AP4E1: variants seen among roughly 807,000 people sequenced by gnomAD.
AP4E1 encodes adaptor related protein complex 4 subunit epsilon 1, also known as AP-4 complex subunit epsilon-1.
In AP4E1, 56 loss-of-function variants were observed where a neutral mutation model predicts 128.2. The observed-to-expected ratio is 0.44, with a 90% confidence interval of 0.35 to 0.55. The LOEUF (loss-of-function observed/expected upper bound fraction) is 0.55. Ranked by LOEUF, AP4E1 falls within the 20% of genes least tolerant of loss-of-function variation. The probability of loss-of-function intolerance (pLI) is 0.00; values close to 1 mark genes in which losing one functional copy is unlikely to be tolerated. For missense variants in AP4E1, 1,324 were observed against 1,307.7 expected, an observed-to-expected ratio of 1.01 and a Z score of -0.19; for synonymous variants, 484 against 473.1, an observed-to-expected ratio of 1.02 and a Z score of -0.30.
chr15:50,937,171 T>C (rs1440903071), intron 8 of AP4E1, among the ~76,000 whole-genome samples: 1 of 152,256 alleles, frequency 6.6e-6, no homozygotes, highest in Non-Finnish European at 1.5e-5. Flanking sequence ...GGTATTTTAC[T>C]GCTTAAGAAT....
intron 10 of AP4E1, among the ~76,000 whole-genome samples, chr15:50,943,792 TG>T (rs2064020660): frequency 6.6e-6 from 1 of 152,204 alleles, no homozygotes; most frequent in Non-Finnish European, 1.5e-5. Flanking sequence ...TTATGATTAA[TG>T]GGCTGGTAGC....
intron 14 of AP4E1, among the ~76,000 whole-genome samples, chr15:50,965,238 G>A (rs968694402): frequency 2.0e-5 from 3 of 152,286 alleles, no homozygotes; most frequent in African/African-American, 7.2e-5. Context: ...GGCTGTGGTT[G>A]TTAGTGGAGG....
At chr15:50,969,660 C>CTTTTT (rs370228298) in intron 15 of AP4E1, among the ~76,000 whole-genome samples, 1 of 133,976 alleles carries the variant, frequency 7.5e-6, no homozygotes, top group African/African-American at 2.8e-5. Flanking sequence ...CAATATCTTT[C>CTTTTT]TTTTTTTTTT....
intron 10 of AP4E1, among the ~76,000 whole-genome samples, chr15:50,944,125 T>A (rs2140849498): frequency 6.6e-6 from 1 of 152,300 alleles, no homozygotes; most frequent in Non-Finnish European, 1.5e-5. Context: ...GTGATTTGAA[T>A]TCTTTGAGGA....
chr15:50,992,576 C>T (rs530115885), intron 16 of AP4E1, among the ~76,000 whole-genome samples: 3 of 152,202 alleles, frequency 2.0e-5, no homozygotes, highest in African/African-American at 7.2e-5. Context: ...TAAATTTGGC[C>T]CTGGACTTAA....
chr15:50,982,559 C>T (rs1191723055), intron 15 of AP4E1, among the ~76,000 whole-genome samples: 2 of 152,254 alleles, frequency 1.3e-5, no homozygotes, highest in East Asian at 1.9e-4. Context: ...TCCTTGTTAT[C>T]AGATCAGCAT....
intron 5 of AP4E1, among the ~76,000 whole-genome samples, chr15:50,925,901 A>G (rs2063764302): frequency 6.6e-6 from 1 of 151,616 alleles, no homozygotes; most frequent in Admixed American, 6.6e-5. Context: ...CTGGGATTAC[A>G]GGTGTGAACC....
At chr15:50,935,881 G>T (rs1027099994) in intron 8 of AP4E1, among the ~76,000 whole-genome samples, 2 of 152,160 alleles carry the variant, frequency 1.3e-5, no homozygotes, top group Non-Finnish European at 2.9e-5. Flanking sequence ...AGTGAATTGG[G>T]GTGGTAAACT....
chr15:50,920,902 G>T (rs546530659), intron 3 of AP4E1, among the ~76,000 whole-genome samples: 2 of 152,118 alleles, frequency 1.3e-5, no homozygotes, highest in East Asian at 1.9e-4. Flanking sequence ...AGGTTCAAGC[G>T]ATTTTCCTGC....
chr15:50,911,582 A>T (rs1190747164), intron 1 of AP4E1, among the ~76,000 whole-genome samples: 1 of 150,822 alleles, frequency 6.6e-6, no homozygotes, highest in Non-Finnish European at 1.5e-5. Context: ...TCCCGGGTTC[A>T]AGCGATTCTC....
chr15:50,979,873 A>G (rs951827504), intron 15 of AP4E1, among the ~76,000 whole-genome samples: 1 of 152,224 alleles, frequency 6.6e-6, no homozygotes, highest in Non-Finnish European at 1.5e-5. Context: ...CATAAAATGG[A>G]CTATGATAGA....
In AP4E1 at chr15:50,952,239, G is replaced by A. The variant is rs147649557; in HGVS notation, c.1548+2070G>A. The stretch of plus-strand genomic sequence containing the variant: ...CAAGAGGTGTAAAGACACTGGGCGC[G>A]GTGGCTCATGCCTGTAATCCCAGCA... On this transcript the variant is annotated intron_variant, in intron 13 of 20. Coordinates refer to ENST00000261842, the MANE Select transcript of AP4E1 (RefSeq NM_007347.5). 2.7e-4 allele frequency among the ~76,000 whole-genome samples: 41 copies of A among 152,126 alleles called. No individual in the cohort carries two copies. In the East Asian group the frequency reaches 6.4e-3, roughly 24 times the overall value.
intron 20 of AP4E1, among the ~76,000 whole-genome samples, chr15:51,001,798 T>TA (rs2064966803): frequency 6.6e-6 from 1 of 152,234 alleles, no homozygotes; most frequent in South Asian, 2.1e-4. Context: ...GTTATACAAA[T>TA]ACCTGTTTGT....
chr15:50,926,823 C>T (rs1029386120), intron 5 of AP4E1, among the ~76,000 whole-genome samples: 7 of 152,136 alleles, frequency 4.6e-5, no homozygotes, highest in Non-Finnish European at 1.0e-4. Context: ...AACTCCTGAC[C>T]TCGTGATCCA....
At position 50,999,163 on chromosome 15, in the gene AP4E1, C is replaced by T; in HGVS notation, c.2996C>T (p.Thr999Ile). The T allele has an allele frequency of 4.3e-6, 7 of 1,613,930 alleles. No homozygotes were observed. In the South Asian group the frequency reaches 6.6e-5, roughly 15 times the overall value. ...QYSVQIEKPF[T>I]EGNLTGFISY... is the part of the protein sequence containing the mutation. ...AGTGTGCAGATAGAAAAACCTTTTACAGAAGGAAATCTTACTGGTTTTATT... is the reference window on the plus strand; with the variant it reads ...AGTGTGCAGATAGAAAAACCTTTTATAGAAGGAAATCTTACTGGTTTTATT... The change falls in exon 19 of 21, where the codon ACA becomes ATA. Residue 999 changes from threonine (T) to isoleucine (I), a missense_variant. Thr to Ile is a moderately conservative substitution (Grantham distance 89, BLOSUM62 -1). Coordinates refer to ENST00000261842, the MANE Select transcript of AP4E1 (RefSeq NM_007347.5).
At chr15:50,911,956 C>G in intron 1 of AP4E1, 122 bp from the exon 2 acceptor site, 2 of 826,758 alleles carry the variant, frequency 2.4e-6, no homozygotes, top group Middle Eastern at 3.5e-4. Context: ...TTGTAACTCT[C>G]CTTTAAAATA....
At chr15:50,959,879 T>C (rs1157541149) in intron 14 of AP4E1, among the ~76,000 whole-genome samples, 1 of 152,138 alleles carries the variant, frequency 6.6e-6, no homozygotes, top group Non-Finnish European at 1.5e-5. Context: ...ATGCTGCCTA[T>C]AAGAAACTCA....
intron 7 of AP4E1, among the ~76,000 whole-genome samples, chr15:50,933,848 T>G (rs1440607754): frequency 6.6e-6 from 1 of 152,166 alleles, no homozygotes; most frequent in Non-Finnish European, 1.5e-5. Flanking sequence ...TGGCACAGTT[T>G]CTCTGCAAGA....
At chr15:50,973,020 A>T (rs920029989) in intron 15 of AP4E1, among the ~76,000 whole-genome samples, 10 of 152,244 alleles carry the variant, frequency 6.6e-5, no homozygotes, top group African/African-American at 2.4e-4. Context: ...TACTTAAGAA[A>T]TGCAGCCTGT....
Sources: gnomAD v4.1 joint callset for allele counts (sites outside exome capture counted in the v4.1 genomes callset) on GRCh38, gnomAD v4.1.1 for gene constraint, MANE v1.5 for transcripts, NCBI Gene and HGNC (gene_info 2026-07-23, HGNC 2026-07-21) for gene names.